ESRRG: variants seen among roughly 807,000 people sequenced by gnomAD.
ESRRG encodes estrogen-related receptor gamma.
ESRRG carries 13 observed loss-of-function variants against 44.0 expected under a neutral mutation model. That is an observed-to-expected ratio of 0.30 (90% CI 0.19 to 0.47). The LOEUF is 0.47. Among genes scored for constraint, ESRRG ranks in the 20% least tolerant of loss-of-function variants. ESRRG has a pLI of 1.00. For missense variants in ESRRG, 395 were observed against 580.6 expected, an observed-to-expected ratio of 0.68 and a Z score of 3.29; for synonymous variants, 215 against 214.6, an observed-to-expected ratio of 1.00 and a Z score of -0.02.
chr1:216,893,279 C>T (rs888714945), intron 2 of ESRRG, among the ~76,000 whole-genome samples: 1 of 152,096 alleles, frequency 6.6e-6, no homozygotes, highest in African/African-American at 2.4e-5. Context: ...GCCAAATACA[C>T]ACAGTTCCTG....
intron 2 of ESRRG, among the ~76,000 whole-genome samples, chr1:216,660,609 C>T (rs1362887855): frequency 4.6e-5 from 7 of 152,208 alleles, no homozygotes; most frequent in Non-Finnish European, 1.0e-4. Context: ...ATTCCATCTT[C>T]TGAAAGAGCA....
At chr1:216,937,756 G>A (rs1356116494) in intron 2 of ESRRG, among the ~76,000 whole-genome samples, 2 of 152,190 alleles carry the variant, frequency 1.3e-5, no homozygotes, top group Non-Finnish European at 1.5e-5. Flanking sequence ...TGTTGCAGGG[G>A]AAAGAGCATC....
intron 3 of ESRRG, among the ~76,000 whole-genome samples, chr1:216,613,012 G>A (rs11117632): frequency 0.2 from 30,060 of 151,972 alleles, 3,780 homozygotes; most frequent in Non-Finnish European, 0.29. Context: ...TCAGCTTTTC[G>A]AATTGAACTG....
chr1:216,625,142 GA>G (rs2062951832), intron 3 of ESRRG, among the ~76,000 whole-genome samples: 1 of 151,998 alleles, frequency 6.6e-6, no homozygotes, highest in Non-Finnish European at 1.5e-5. Flanking sequence ...GCCCAATTAT[GA>G]ACTGTCTCTT....
intron 1 of ESRRG, among the ~76,000 whole-genome samples, chr1:217,011,497 C>T (rs748334180): frequency 1.3e-5 from 2 of 152,148 alleles, no homozygotes; most frequent in Non-Finnish European, 2.9e-5. Flanking sequence ...CATACTATCC[C>T]GCTTCCTCTA....
At chr1:216,630,978 T>G (rs1218217348) in intron 3 of ESRRG, among the ~76,000 whole-genome samples, 2 of 152,206 alleles carry the variant, frequency 1.3e-5, no homozygotes, top group Non-Finnish European at 2.9e-5. Context: ...CTGTTTTCTT[T>G]TTTTAAATAT....
intron 2 of ESRRG, among the ~76,000 whole-genome samples, chr1:216,929,474 G>A (rs1203946302): frequency 6.6e-6 from 1 of 152,186 alleles, no homozygotes; most frequent in Non-Finnish European, 1.5e-5. Context: ...TTCACCCAGT[G>A]CGTGTGTGGA....
intron 2 of ESRRG, among the ~76,000 whole-genome samples, chr1:216,797,878 C>G (rs1280274241): frequency 6.6e-6 from 1 of 152,078 alleles, no homozygotes; most frequent in African/African-American, 2.4e-5. Flanking sequence ...GGAAGTATAG[C>G]TCACACTTAG....
chr1:217,084,475 A>G (rs997921832), intron 1 of ESRRG, among the ~76,000 whole-genome samples: 16 of 152,224 alleles, frequency 1.1e-4, no homozygotes, highest in African/African-American at 3.9e-4. Flanking sequence ...GAATGAGACC[A>G]AACTTAAATG....
At chr1:216,534,946 C>T (rs956683305) in intron 5 of ESRRG, among the ~76,000 whole-genome samples, 4 of 152,048 alleles carry the variant, frequency 2.6e-5, no homozygotes, top group African/African-American at 9.7e-5. Flanking sequence ...ATCAGTGGGT[C>T]AATCCAAGTC....
chr1:216,858,574 A>G (rs191044018), intron 2 of ESRRG, among the ~76,000 whole-genome samples: 38 of 152,290 alleles, frequency 2.5e-4, no homozygotes, highest in African/African-American at 8.9e-4. Context: ...TAACATATTT[A>G]CTCAGCAAGA....
At chr1:216,899,596 C>T (rs2058828819) in intron 2 of ESRRG, among the ~76,000 whole-genome samples, 2 of 152,172 alleles carry the variant, frequency 1.3e-5, no homozygotes. Flanking sequence ...AACATGTGAA[C>T]ACTTAAAGGT....
intron 2 of ESRRG, among the ~76,000 whole-genome samples, chr1:216,912,189 AGG>A (rs879496107): frequency 0.53 from 21,842 of 40,968 alleles, 4,646 homozygotes; most frequent in Middle Eastern, 0.62. Flanking sequence ...AGAAAAGGAG[AGG>A]AGAGGAGAGG....
chr1:216,989,450 A>AAAAAAAAAC (rs1553757484), intron 1 of ESRRG, among the ~76,000 whole-genome samples: 1 of 142,490 alleles, frequency 7.0e-6, no homozygotes, highest in Non-Finnish European at 1.5e-5. Flanking sequence ...AAAAAAAAAA[A>AAAAAAAAAC]CACAGTGGGA....
intron 1 of ESRRG, 136 bp downstream of exon 1, chr1:216,723,108 G>T: frequency 1.4e-6 from 1 of 706,236 alleles, no homozygotes; most frequent in Non-Finnish European, 2.4e-6. Context: ...AAAGACACAA[G>T]ACAGACACAA....
chr1:216,511,681 G>C (rs2042771581), intron 6 of ESRRG, among the ~76,000 whole-genome samples: 1 of 152,144 alleles, frequency 6.6e-6, no homozygotes. Flanking sequence ...GAGTGCCCAG[G>C]TTGTAATCTG....
chr1:216,516,666 C>CAA (rs777077033), intron 6 of ESRRG, among the ~76,000 whole-genome samples: 36 of 128,450 alleles, frequency 2.8e-4, no homozygotes, highest in African/African-American at 1.3e-3. Flanking sequence ...CACACACACA[C>CAA]ACAGAGAGAG....
chr1:216,834,531 T>G (rs929530895), intron 2 of ESRRG, among the ~76,000 whole-genome samples: 2 of 152,174 alleles, frequency 1.3e-5, no homozygotes, highest in African/African-American at 4.8e-5. Flanking sequence ...TCAATGGAGA[T>G]GGATATTGGA....
At chr1:216,619,053 T>G (rs6665830) in intron 3 of ESRRG, among the ~76,000 whole-genome samples, 63,805 of 152,112 alleles carry the variant, frequency 0.42, 14,118 homozygotes, top group Middle Eastern at 0.51. Flanking sequence ...GATCCCATGA[T>G]GAATACAAAA....
Sources: allele counts gnomAD v4.1 joint callset (sites outside exome capture counted in the v4.1 genomes callset), GRCh38; gene constraint gnomAD v4.1.1; transcripts MANE v1.5; gene names NCBI Gene and HGNC (gene_info 2026-07-23, HGNC 2026-07-21).